Variants in ATRAID observed in about 807,000 individuals in gnomAD.
ATRAID encodes all-trans retinoic acid-induced differentiation factor.
Under a neutral mutation model 28.8 loss-of-function variants are expected in ATRAID, and 26 were observed. That is an observed-to-expected ratio of 0.90 (90% CI 0.66 to 1.25). The LOEUF is 1.25. Ranked by LOEUF, ATRAID falls within the 50% of genes most tolerant of loss-of-function variation. The pLI, the probability that ATRAID is intolerant of heterozygous loss-of-function variation, is 0.00. For missense variants in ATRAID, 308 were observed against 285.9 expected (o/e 1.08, Z -0.56); for synonymous variants, 131 against 108.5 (o/e 1.21, Z -1.29).
At chr2:27,212,645 G>C in intron 1 of ATRAID, 178 bp downstream of exon 1, 3 of 1,403,486 alleles carry the variant, frequency 2.1e-6, no homozygotes, top group Non-Finnish European at 2.8e-6. Context: ...CAGGCCTTCG[G>C]CGCCCCAGTC....
downstream of ATRAID, chr2:27,217,158 T>C (rs879390176): frequency 5.6e-6 from 3 of 532,918 alleles, no homozygotes; most frequent in Non-Finnish European, 6.5e-6. Context: ...TTTTCTTTTT[T>C]TTTCCTCTCT....
In ATRAID at chr2:27,212,395, T is replaced by C. The variant is rs1427812550; in HGVS notation, c.27T>C (p.Leu9=). The C allele has an allele frequency of 6.4e-7, 1 of 1,551,192 alleles. No homozygotes were observed. The highest frequency in any genetic ancestry group is 1.4e-5 in the African/African-American group (1 of 73,078). Residue 9 remains leucine (L), a synonymous_variant, in exon 1 of 7, where the codon CTT becomes CTC. Transcript: ENST00000380171. The part of the protein sequence containing the change: MAPHDPGS[L]TTLVPWAAAL... ...TGGCGCCTCACGACCCGGGTAGTCT[T>C]ACGACCCTGGTGCCCTGGGCTGCCG...
Position 27,212,077 on chromosome 2 carries a change from C to G in ATRAID, c.-292C>G. On this transcript the variant is annotated 5_prime_UTR_variant, in exon 1 of 7. Transcript: ENST00000380171. ...AAGCCGCGACCTCGGCGTCCGGACG[C>G]GGGGAACACCGGGCTGAGGGAGTCT... 2 of 1,294,830 alleles carry G rather than the reference C, an allele frequency of 1.5e-6. No individual in the cohort carries two copies. Among genetic ancestry groups the G allele is most frequent in the Non-Finnish European group, 2.1e-6 (2 of 968,500 alleles). The allele number at this position is 1,294,830 out of a possible 1,614,324, so 80.2% of individuals were successfully genotyped here.
Position 27,215,512 on chromosome 2 carries a change from A to G in ATRAID, c.332A>G (p.Asn111Ser), listed in dbSNP as rs200808122. ...QANPLKGDLA[N>S]TFRGFTQLQT... ...AACCCCCTCAAAGGTGACTTGGCCAACACCTTCCGTGGCTTTACTCAGCTC... is the reference window on the plus strand; with the variant it reads ...AACCCCCTCAAAGGTGACTTGGCCAGCACCTTCCGTGGCTTTACTCAGCTC... Residue 111 changes from asparagine to serine, a missense_variant, in exon 4 of 7, where the codon AAC becomes AGC. Physicochemically the swap from Asn to Ser is conservative, Grantham distance 46. Coordinates refer to ENST00000380171, the MANE Select transcript of ATRAID (RefSeq NM_001170795.4). 47 of 1,614,228 alleles carry G rather than the reference A, an allele frequency of 2.9e-5. No individual in the cohort carries two copies. The South Asian group carries it at 3.2e-4, about 11-fold the overall frequency.
At position 27,212,410 on chromosome 2, in the gene ATRAID, C is replaced by T. The variant is rs1361737013; in HGVS notation, c.42C>T (p.Pro14=). 1.9e-6 allele frequency: 3 copies of T among 1,552,846 alleles called. No homozygotes were observed. Among genetic ancestry groups the T allele is most frequent in the South Asian group, 1.2e-5 (1 of 83,988 alleles). Residue 14 remains proline, a synonymous_variant, in exon 1 of 7, where the codon CCC becomes CCT. Coordinates refer to ENST00000380171, the MANE Select transcript of ATRAID (RefSeq NM_001170795.4). ...CGGGTAGTCTTACGACCCTGGTGCC[C>T]TGGGCTGCCGCCCTGCTCCTCGCTC... ...HDPGSLTTLV[P]WAAALLLALG... is the part of the protein sequence containing the mutation.
Position 27,212,249 on chromosome 2 carries a change from A to G in ATRAID, c.-120A>G. The G allele has an allele frequency of 6.4e-7, 1 of 1,560,788 alleles. No individual in the cohort carries two copies. The stretch of plus-strand genomic sequence containing the variant: ...CCACGAGCAGGAAAAGCCCCCAAGC[A>G]GCCCCAGGGCGACTGGACCGGGCCG... On this transcript the variant is annotated 5_prime_UTR_variant, in exon 1 of 7. Transcript: ENST00000380171.
rs2148041034 is a variant in ATRAID, at chr2:27,212,974, T to C, written c.100-203T>C. 4.9e-6 allele frequency: 3 copies of C among 613,158 alleles called. No individual in the cohort carries two copies. In the South Asian group the frequency reaches 6.6e-5, roughly 13 times the overall value. 38.0% of individuals were successfully genotyped at this position (613,158 alleles called of 1,614,324 possible). A position where few individuals can be genotyped will look rare whatever the true frequency, so the allele number is the denominator to read the frequency against. On this transcript the variant is annotated intron_variant, in intron 1 of 6. Transcript: ENST00000380171. ...ATCTGGTACTGAAAGTGTCGGGAGC[T>C]GATTCGGCGCAGGACTCTGGAGGAA...
chr2:27,214,457 T>A (rs1321151229), intron 2 of ATRAID, among the ~76,000 whole-genome samples: 1 of 151,884 alleles, frequency 6.6e-6, no homozygotes, highest in Non-Finnish European at 1.5e-5. Context: ...GATCTGAAAA[T>A]CATAATATGA....
chr2:27,212,977 T>C (rs946555355), intron 1 of ATRAID, 200 bp from the exon 2 acceptor site: 10 of 626,520 alleles, frequency 1.6e-5, no homozygotes, highest in Middle Eastern at 4.4e-4. Flanking sequence ...CGGGAGCTGA[T>C]TCGGCGCAGG....
chr2:27,215,618 A>G lies in ATRAID; in HGVS notation c.366-14A>G. 1.2e-6 allele frequency: 2 copies of G among 1,614,200 alleles called. No individual in the cohort carries two copies. Among genetic ancestry groups the G allele is most frequent in the Non-Finnish European group, 1.7e-6 (2 of 1,180,026 alleles). On this transcript the variant is annotated splice_polypyrimidine_tract_variant and intron_variant, in intron 4 of 6. Transcript: ENST00000380171. ...TTTAGCAACTTTGCATGTTATGACC[A>G]CATTTCTCTATAGGATACTGCCACA...
chr2:27,212,236 A>AAAGCCCCCAAGCAGCCC lies in ATRAID; in HGVS notation c.-132_-116dup. ...CCAGCGCAGAGCTCCACGAGCAGGA[A>AAAGCCCCCAAGCAGCCC]AAGCCCCCAAGCAGCCCCAGGGCGA... On this transcript the variant is annotated 5_prime_UTR_variant, in exon 1 of 7. It introduces an in-frame stop codon into an upstream open reading frame of the 5' UTR. Coordinates refer to ENST00000380171, the MANE Select transcript of ATRAID (RefSeq NM_001170795.4). The AAAGCCCCCAAGCAGCCC allele has an allele frequency of 1.3e-6, 2 of 1,561,582 alleles. No homozygotes were observed. Among genetic ancestry groups the AAAGCCCCCAAGCAGCCC allele is most frequent in the Non-Finnish European group, 1.7e-6 (2 of 1,153,406 alleles).
intron 6 of ATRAID, 92 bp downstream of exon 6, chr2:27,216,712 A>G: frequency 1.4e-6 from 2 of 1,445,502 alleles, no homozygotes; most frequent in Non-Finnish European, 1.9e-6. Flanking sequence ...AGCTGATACA[A>G]ATTTCCTATA....
At chr2:27,216,442 A>C in intron 5 of ATRAID, 81 bp from the exon 6 acceptor site, 1 of 1,097,090 alleles carries the variant, frequency 9.1e-7, no homozygotes. Flanking sequence ...GATTGAGAGA[A>C]TCTAAGTTGA....
In ATRAID at chr2:27,217,150, T is replaced by TC; in HGVS notation, c.*202_*203insC. ...GTTGTTGCCTATAATAAACACTTTTTTCTTTTTTTTTCCTCTCTTTCTTTT... is the reference window on the plus strand; with the variant it reads ...GTTGTTGCCTATAATAAACACTTTTTCTCTTTTTTTTTCCTCTCTTTCTTTT... On this transcript the variant is annotated 3_prime_UTR_variant, in exon 7 of 7. Coordinates refer to ENST00000380171, the MANE Select transcript of ATRAID (RefSeq NM_001170795.4). The TC allele has an allele frequency of 1.9e-6, 1 of 534,768 alleles. No homozygotes were observed. The highest frequency in any genetic ancestry group is 2.8e-5 in the South Asian group (1 of 35,808). 33.1% of individuals were successfully genotyped at this position (534,768 alleles called of 1,614,324 possible). A position where few individuals can be genotyped will look rare whatever the true frequency, so the allele number is the denominator to read the frequency against.
chr2:27,216,669 A>C (rs1361452151), intron 6 of ATRAID, 49 bp downstream of exon 6: 5 of 1,542,180 alleles, frequency 3.2e-6, no homozygotes, highest in Non-Finnish European at 4.5e-6. Flanking sequence ...GCATAGAGCA[A>C]GTCTTCTCAG....
intron 5 of ATRAID, 64 bp downstream of exon 5, chr2:27,215,817 A>G: frequency 6.3e-7 from 1 of 1,579,554 alleles, no homozygotes; most frequent in Non-Finnish European, 8.6e-7. Context: ...TCCACTTTAG[A>G]TCAGAAAGAC....
Position 27,215,483 on chromosome 2 carries a change from A to G in ATRAID, c.303A>G (p.Gln101=), listed in dbSNP as rs1474126939. 2 of 1,614,238 alleles carry G rather than the reference A, an allele frequency of 1.2e-6. No individual in the cohort carries two copies. Among genetic ancestry groups the G allele is most frequent in the Non-Finnish European group, 1.7e-6 (2 of 1,180,040 alleles). The change falls in exon 4 of 7, where the codon CAA becomes CAG. Residue 101 remains glutamine, a synonymous_variant. Coordinates refer to ENST00000380171, the MANE Select transcript of ATRAID (RefSeq NM_001170795.4). ...QAHTTVIIDL[Q]ANPLKGDLAN... The stretch of plus-strand genomic sequence containing the variant: ...ATTGTGTACTTTGCAGAGACCTGCA[A>G]GCAAACCCCCTCAAAGGTGACTTGG...
rs1324551832 is a variant in ATRAID at position 27,216,890 on chromosome 2, C to G, written c.632C>G (p.Thr211Ser). 5 of 1,614,228 alleles carry G rather than the reference C, an allele frequency of 3.1e-6. No individual in the cohort carries two copies. Among genetic ancestry groups the G allele is most frequent in the South Asian group, 1.1e-5 (1 of 91,086 alleles). The change falls in exon 7 of 7, where the codon ACT (threonine) becomes AGT (serine). Residue 211 changes from threonine to serine, a missense_variant. Coordinates refer to ENST00000380171, the MANE Select transcript of ATRAID (RefSeq NM_001170795.4). Reference sequence around the variant, plus strand: ...TTCTTCGGGATTCTGGGAGCCACCACTCTATCCGTCTCCATTCTGCTTTGG... The same window carrying G: ...TTCTTCGGGATTCTGGGAGCCACCAGTCTATCCGTCTCCATTCTGCTTTGG... ...LMFFGILGAT[T>S]LSVSILLWAT... is the part of the protein sequence containing the mutation.
chr2:27,217,047 C>A lies in ATRAID; in HGVS notation c.*99C>A. 9.2e-7 allele frequency: 1 copy of A among 1,091,496 alleles called. No homozygotes were observed. The allele number at this position is 1,091,496 out of a possible 1,614,324, so 67.6% of individuals were successfully genotyped here. A position where few individuals can be genotyped will look rare whatever the true frequency, so the allele number is the denominator to read the frequency against. Reference sequence around the variant, plus strand: ...GAAAGGCATCTTTCGCCAGTGGATTCGCCTCAAGGTTGAGGCCGCCATTGG... The same window carrying A: ...GAAAGGCATCTTTCGCCAGTGGATTAGCCTCAAGGTTGAGGCCGCCATTGG... On this transcript the variant is annotated 3_prime_UTR_variant, in exon 7 of 7. Transcript: ENST00000380171.
Sources: gnomAD v4.1 joint callset for allele counts (sites outside exome capture counted in the v4.1 genomes callset) on GRCh38, gnomAD v4.1.1 for gene constraint, MANE v1.5 for transcripts, NCBI Gene and HGNC (gene_info 2026-07-23, HGNC 2026-07-21) for gene names.